Variants in TKFC observed in about 807,000 individuals in gnomAD.
TKFC encodes the protein triokinase and FMN cyclase, also known as triokinase/FMN cyclase.
A neutral mutation model predicts 61.0 loss-of-function variants in TKFC; 46 were observed. That is an observed-to-expected ratio of 0.75 (90% CI 0.60 to 0.96). The LOEUF is 0.96. Among genes scored for constraint, TKFC ranks in the 50% least tolerant of loss-of-function variants. The pLI is 0.00. For synonymous variants in TKFC, 314 were observed against 330.1 expected, an observed-to-expected ratio of 0.95 and a Z score of 0.53; for missense variants, 715 against 777.5, an observed-to-expected ratio of 0.92 and a Z score of 0.96.
At chr11:61,341,651 G>T in intron 6 of TKFC, 137 bp downstream of exon 6, 1 of 1,238,082 alleles carries the variant, frequency 8.1e-7, no homozygotes, top group Non-Finnish European at 1.2e-6. Context: ...ATCCCTGGGG[G>T]AGCTCCTGGG....
rs1176622640 is a variant in TKFC at position 61,343,992 on chromosome 11, T to C, written c.1102+17T>C. The C allele has an allele frequency of 6.2e-7, 1 of 1,609,536 alleles. No individual in the cohort carries two copies. The highest frequency in any genetic ancestry group is 8.5e-7 in the Non-Finnish European group (1 of 1,179,136). ...CTGCAGGAGGTACCAACCCCTGCCT[T>C]TGGGGAAGGGACAGGCTTCCCAAAG... On this transcript the variant is annotated intron_variant, in intron 12 of 17. Transcript: ENST00000394900.
downstream of TKFC, chr11:61,352,953 C>T (rs1857483838): frequency 6.2e-7 from 1 of 1,614,012 alleles, no homozygotes; most frequent in Admixed American, 1.7e-5. Flanking sequence ...CCCTCCTCTT[C>T]ACCTTAGAGT....
chr11:61,343,066 G>A (rs1856942616), intron 10 of TKFC: 2 of 620,010 alleles, frequency 3.2e-6, no homozygotes, highest in South Asian at 3.9e-5. Context: ...TGAGGATTAA[G>A]TGAGATTAAA....
chr11:61,337,559 C>T (rs900292101), intron 2 of TKFC, among the ~76,000 whole-genome samples: 1 of 152,168 alleles, frequency 6.6e-6, no homozygotes, highest in Admixed American at 6.5e-5. Context: ...ACCTGCTCAG[C>T]TCCTCCCCCA....
chr11:61,334,410 T>C (rs1731094125), intron 1 of TKFC: 2 of 346,466 alleles, frequency 5.8e-6, no homozygotes, highest in South Asian at 3.5e-5. Flanking sequence ...AGACCTGTGC[T>C]TGACATGGAT....
In TKFC at chr11:61,339,091, TG is replaced by T; in HGVS notation, c.223del (p.Val75SerfsTer34). On this transcript the variant is annotated frameshift_variant, in exon 4 of 18. Transcript: ENST00000394900. ...AGFIGKGMLTGVIAGAVFTSP... is the reference protein window; with the variant it reads ...AGFIGKGMLTXVIAGAVFTSP... Reference sequence around the variant, plus strand: ...GTTTCATAGGGAAGGGGATGCTGACTGGGGTCATCGCGGGAGCTGTGTTCAC... The same window carrying T: ...GTTTCATAGGGAAGGGGATGCTGACTGGGTCATCGCGGGAGCTGTGTTCAC... The T allele has an allele frequency of 6.2e-7, 1 of 1,613,518 alleles. No homozygotes were observed. The highest frequency in any genetic ancestry group is 8.5e-7 in the Non-Finnish European group (1 of 1,179,912).
chr11:61,343,840 A>G lies in TKFC; in HGVS notation c.983-16A>G. Reference sequence around the variant, plus strand: ...CTGGACAGCCGTGTCTAAGAGAGTTATCTTGCTGCCCTTAGATGCTGAAAC... The same window carrying G: ...CTGGACAGCCGTGTCTAAGAGAGTTGTCTTGCTGCCCTTAGATGCTGAAAC... On this transcript the variant is annotated splice_polypyrimidine_tract_variant and intron_variant, in intron 11 of 17. Transcript: ENST00000394900. The G allele has an allele frequency of 4.4e-6, 7 of 1,604,798 alleles. No individual in the cohort carries two copies. The highest frequency in any genetic ancestry group is 5.9e-6 in the Non-Finnish European group (7 of 1,178,468).
intron 3 of TKFC, among the ~76,000 whole-genome samples, chr11:61,338,587 G>A (rs1590721665): frequency 6.6e-6 from 1 of 152,284 alleles, no homozygotes; most frequent in Non-Finnish European, 1.5e-5. Context: ...GGACTAGGAT[G>A]CGCGTCATTT....
chr11:61,349,464 C>A, downstream of TKFC: 1 of 687,200 alleles, frequency 1.5e-6, no homozygotes, highest in Non-Finnish European at 2.7e-6. Context: ...AGGCCCTGAT[C>A]CAGCAAGGAG....
intron 5 of TKFC, 161 bp downstream of exon 5, chr11:61,339,596 C>G (rs1425047053): frequency 1.3e-6 from 1 of 796,158 alleles, no homozygotes; most frequent in East Asian, 2.7e-5. Context: ...CCTCAGCTAC[C>G]TAAGCCCAGA....
rs1483664118 is a variant in TKFC at position 61,346,450 on chromosome 11, G to C, written c.1675G>C (p.Ala559Pro). ...ACGGCTGGAGCAGCCAGACCCCGGGGCGGTGGCAGCTGCTGCCATCCTCCG... is the reference window on the plus strand; with the variant it reads ...ACGGCTGGAGCAGCCAGACCCCGGGCCGGTGGCAGCTGCTGCCATCCTCCG... ...SARLEQPDPG[A>P]VAAAAILRAI... is the part of the protein sequence containing the mutation. The change falls in exon 18 of 18, where the codon GCG becomes CCG. Residue 559 changes from alanine to proline, a missense_variant. Coordinates refer to ENST00000394900, the MANE Select transcript of TKFC (RefSeq NM_015533.4). This position sits in a 1 kb window ranked among gnomAD's most constrained non-coding sequence, Gnocchi z 4.1. 1 of 1,610,520 alleles carries C rather than the reference G, an allele frequency of 6.2e-7. No homozygotes were observed. Among genetic ancestry groups the C allele is most frequent in the African/African-American group, 1.3e-5 (1 of 74,934 alleles).
At position 61,347,149 on chromosome 11, in the gene TKFC, T is replaced by C; in HGVS notation, c.*646T>C. 1.0e-6 allele frequency: 1 copy of C among 985,418 alleles called. No individual in the cohort carries two copies. Among genetic ancestry groups the C allele is most frequent in the Non-Finnish European group, 1.2e-6 (1 of 829,926 alleles). 61.0% of individuals were successfully genotyped at this position (985,418 alleles called of 1,614,324 possible). A position where few individuals can be genotyped will look rare whatever the true frequency, so the allele number is the denominator to read the frequency against. On this transcript the variant is annotated 3_prime_UTR_variant, in exon 18 of 18. Transcript: ENST00000394900. ...AATGGTAGAGGGGCTTTTCTTAGCA[T>C]TGAATTAATAATTCAGTGGCTCCTC...
rs1055365098 is a variant in TKFC at position 61,342,008 on chromosome 11, C to T, written c.655+96C>T. On this transcript the variant is annotated intron_variant, in intron 7 of 17. Transcript: ENST00000394900. ...TTAGAGCCATCAACCTGGTCCTCTCCCCAGGTGGTCTTAGTATTTTTACCT... is the reference window on the plus strand; with the variant it reads ...TTAGAGCCATCAACCTGGTCCTCTCTCCAGGTGGTCTTAGTATTTTTACCT... 1.9e-5 allele frequency: 23 copies of T among 1,198,826 alleles called. No individual in the cohort carries two copies. The African/African-American group carries it at 3.2e-4, about 17-fold the overall frequency. The allele number at this position is 1,198,826 out of a possible 1,614,324, so 74.3% of individuals were successfully genotyped here. A position where few individuals can be genotyped will look rare whatever the true frequency, so the allele number is the denominator to read the frequency against.
downstream of TKFC, chr11:61,351,968 G>A (rs1857433580): frequency 6.6e-6 from 1 of 151,902 alleles, no homozygotes; most frequent in Non-Finnish European, 1.5e-5. Flanking sequence ...GCCCAGGCTG[G>A]ACTCCTTCCA....
At chr11:61,350,271 G>C (rs1423239841), downstream of TKFC, 4 of 1,261,640 alleles carry the variant, frequency 3.2e-6, no homozygotes, top group Non-Finnish European at 4.4e-6. Flanking sequence ...ACCCAGGCAA[G>C]AAGTCTGGGC....
chr11:61,343,245 C>A, intron 10 of TKFC, 97 bp from the exon 11 acceptor site: 5 of 1,152,066 alleles, frequency 4.3e-6, no homozygotes, highest in Non-Finnish European at 6.4e-6. Context: ...TCCCTCCCGA[C>A]CTCAGAGCCC....
At position 61,347,854 on chromosome 11, in the gene TKFC, A is replaced by ACCTGTCCTGAGGCTTT; in HGVS notation, c.*1351_*1352insCCTGTCCTGAGGCTTT. 1.0e-6 allele frequency: 1 copy of ACCTGTCCTGAGGCTTT among 979,756 alleles called. No homozygotes were observed. The highest frequency in any genetic ancestry group is 1.2e-6 in the Non-Finnish European group (1 of 824,702). 60.7% of individuals were successfully genotyped at this position (979,756 alleles called of 1,614,324 possible). On this transcript the variant is annotated 3_prime_UTR_variant, in exon 18 of 18. Coordinates refer to ENST00000394900, the MANE Select transcript of TKFC (RefSeq NM_015533.4). The stretch of plus-strand genomic sequence containing the variant: ...AAAGGATTCAAATGAATTGATGAAG[A>ACCTGTCCTGAGGCTTT]TGGGCCATAAAGCCCAGCACAGTCC...
At chr11:61,351,014 G>C (rs140768591), downstream of TKFC, 22 of 1,613,766 alleles carry the variant, frequency 1.4e-5, no homozygotes, top group African/African-American at 2.3e-4. Context: ...AGGATCCCCG[G>C]CTCTGGGCGC....
chr11:61,340,018 A>AT (rs1856791393), intron 5 of TKFC, among the ~76,000 whole-genome samples: 1 of 148,200 alleles, frequency 6.7e-6, no homozygotes, highest in East Asian at 2.0e-4. Flanking sequence ...TTATTTATTT[A>AT]TTTATTTTTT....
Sources: allele counts gnomAD v4.1 joint callset (sites outside exome capture counted in the v4.1 genomes callset), GRCh38; gene constraint gnomAD v4.1.1; non-coding constraint Gnocchi (gnomAD v3.1); transcripts MANE v1.5; gene names NCBI Gene and HGNC (gene_info 2026-07-23, HGNC 2026-07-21).